The following E2F2 variants were observed in gnomAD, a reference collection of about 807,000 sequenced individuals.
E2F2 encodes the protein E2F transcription factor 2.
In E2F2, 22 loss-of-function variants were observed where a neutral mutation model predicts 42.2. The ratio of observed to expected loss-of-function variants is 0.52; its 90% CI spans 0.37 to 0.74. E2F2 has a LOEUF of 0.74. Among genes scored for constraint, E2F2 ranks in the 30% least tolerant of loss-of-function variants. E2F2 has a pLI of 0.00. For missense variants in E2F2, 481 were observed against 557.8 expected (o/e 0.86, Z 1.39); for synonymous variants, 248 against 251.6 (o/e 0.99, Z 0.13).
At chr1:23,513,434 A>C (rs574044169) in intron 6 of E2F2, among the ~76,000 whole-genome samples, 28 of 152,230 alleles carry the variant, frequency 1.8e-4, no homozygotes, top group African/African-American at 6.3e-4. Flanking sequence ...GGCTGCAGAG[A>C]ACACTTCCCC....
Position 23,516,851 on chromosome 1 carries a change from C to G in E2F2, c.853-324G>C, listed in dbSNP as rs565268146. 6.0e-5 allele frequency among the ~76,000 whole-genome samples: 9 copies of G among 150,738 alleles called. No homozygotes were observed. In the East Asian group the frequency reaches 1.8e-3, roughly 29 times the overall value. ...AATGCCAGTGGGTGAGCTTGTGACG[C>G]AGCCAGGAAAGTTAGTGTGACATGA... On this transcript the variant is annotated intron_variant, in intron 5 of 6. Transcript: ENST00000361729.
downstream of E2F2, chr1:23,506,296 CTG>C (rs1187484936): frequency 6.6e-6 from 1 of 152,240 alleles, no homozygotes; most frequent in Non-Finnish European, 1.5e-5. Flanking sequence ...TGATAAGAGA[CTG>C]TATCTTGGAG....
intron 2 of E2F2, among the ~76,000 whole-genome samples, chr1:23,522,367 G>A (rs756473856): frequency 1.3e-5 from 2 of 152,220 alleles, no homozygotes; most frequent in Non-Finnish European, 2.9e-5. Flanking sequence ...TACTGTCACT[G>A]TTCTAAGTGC....
rs752904960 is a variant in E2F2 at position 23,520,934 on chromosome 1, G to A, written c.716C>T (p.Thr239Ile). The A allele has an allele frequency of 1.2e-6, 2 of 1,603,908 alleles. No individual in the cohort carries two copies. The highest frequency in any genetic ancestry group is 4.6e-5 in the East Asian group (2 of 43,916). The change falls in exon 4 of 7, where the codon ACT becomes ATT. Residue 239 changes from threonine (T) to isoleucine (I), a missense_variant. Physicochemically the swap from Thr to Ile is moderately conservative, Grantham distance 89. Transcript: ENST00000361729. ...ATATCTCTTGTTGGCCTTGTCCTCAGTCAGGTGCTTGAAGCTCAGAGAGCA... is the reference window on the plus strand; with the variant it reads ...ATATCTCTTGTTGGCCTTGTCCTCAATCAGGTGCTTGAAGCTCAGAGAGCA... ...QSCSLSFKHLTEDKANKRLAY... is the reference protein window; with the variant it reads ...QSCSLSFKHLIEDKANKRLAY...
chr1:23,514,856 G>T (rs1642986997), intron 6 of E2F2, among the ~76,000 whole-genome samples: 1 of 138,468 alleles, frequency 7.2e-6, no homozygotes, highest in Non-Finnish European at 1.5e-5. Context: ...AAAAAAAAAA[G>T]CTGGAGAGTA....
intron 6 of E2F2, among the ~76,000 whole-genome samples, chr1:23,513,864 C>G (rs1446395908): frequency 6.6e-6 from 1 of 152,042 alleles, no homozygotes; most frequent in African/African-American, 2.4e-5. Context: ...TGGCTCACAC[C>G]TGTAATCCCA....
chr1:23,513,028 G>A (rs867272283), intron 6 of E2F2, among the ~76,000 whole-genome samples: 3 of 152,058 alleles, frequency 2.0e-5, no homozygotes, highest in African/African-American at 4.8e-5. Flanking sequence ...GGCCAGGCTG[G>A]TCTGGAACTT....
At position 23,510,098 on chromosome 1, in the gene E2F2, C is replaced by T; in HGVS notation, c.1096G>A (p.Val366Ile). 1.9e-6 allele frequency: 3 copies of T among 1,605,960 alleles called. No homozygotes were observed. Among genetic ancestry groups the T allele is most frequent in the African/African-American group, 1.3e-5 (1 of 74,866 alleles). Residue 366 changes from valine (V) to isoleucine (I), a missense_variant, in exon 7 of 7, where the codon GTC (valine) becomes ATC (isoleucine). Val to Ile is a conservative substitution (Grantham distance 29). Coordinates refer to ENST00000361729, the MANE Select transcript of E2F2 (RefSeq NM_004091.4). ...AGGCTGTCAGTAGCCTCCAAGGGGA[C>T]CAGGGATGGAGGCGGTGGGGCCTGC... Reference protein sequence around the residue: ...PQQAPPPPSLVPLEATDSLLE... With the variant: ...PQQAPPPPSLIPLEATDSLLE...
In E2F2 at chr1:23,524,095, C is replaced by CAA. The variant is rs1424181672; in HGVS notation, c.358+286_358+287dup. Reference sequence around the variant, plus strand: ...CTCACAACAACAACAACAACAACAACAACAACAACAAAAAAAAACACAGAA... The same window carrying CAA: ...CTCACAACAACAACAACAACAACAACAAAACAACAACAAAAAAAAACACAGAA... On this transcript the variant is annotated intron_variant, in intron 2 of 6. Transcript: ENST00000361729. 3.0e-4 allele frequency among the ~76,000 whole-genome samples: 35 copies of CAA among 116,654 alleles called. 1 individual carries two copies. The highest frequency in any genetic ancestry group is 1.4e-3 in the African/African-American group (33 of 22,932). 76.5% of individuals were successfully genotyped at this position (116,654 alleles called of 152,430 possible). A position where few individuals can be genotyped will look rare whatever the true frequency, so the allele number is the denominator to read the frequency against.
rs764630589 is a variant in E2F2 at position 23,530,511 on chromosome 1, A to C, written c.252+31T>G. ...TCCTTTCCCACACCTGGAAAAGCAT[A>C]GGGGGAAGCGGTGGGGGCCCCCAGC... On this transcript the variant is annotated intron_variant, in intron 1 of 6. Transcript: ENST00000361729. This position sits in a 1 kb window ranked among gnomAD's most constrained non-coding sequence, Gnocchi z 4.4. 3 of 1,608,784 alleles carry C rather than the reference A, an allele frequency of 1.9e-6. No individual in the cohort carries two copies. Among genetic ancestry groups the C allele is most frequent in the Non-Finnish European group, 2.5e-6 (3 of 1,178,020 alleles).
rs563099371 is a variant in E2F2 at position 23,506,692 on chromosome 1, T to C, written c.*3188A>G. The stretch of plus-strand genomic sequence containing the variant: ...GAGGATCCTCGTGGGAGAATAGGGT[T>C]CTGGGACCTCAGGATACAATCACAA... On this transcript the variant is annotated 3_prime_UTR_variant, in exon 7 of 7. Coordinates refer to ENST00000361729, the MANE Select transcript of E2F2 (RefSeq NM_004091.4). The C allele has an allele frequency of 6.6e-6, 1 of 152,372 alleles. No individual in the cohort carries two copies. The highest frequency in any genetic ancestry group is 1.9e-4 in the East Asian group (1 of 5,186). 9.4% of individuals were successfully genotyped at this position (152,372 alleles called of 1,614,324 possible).
chr1:23,530,659 G>A lies in E2F2; in HGVS notation c.135C>T (p.Tyr45=). ...GCGCCGTCTGCGGGTACAGCGGTGT[G>A]TAGTAGGTAGCAGTAGCTGGGCAGA... ...PQLCPATATY[Y]TPLYPQTAPP... The change falls in exon 1 of 7, where the codon TAC becomes TAT. Residue 45 remains tyrosine, a synonymous_variant. Coordinates refer to ENST00000361729, the MANE Select transcript of E2F2 (RefSeq NM_004091.4). This position sits in a 1 kb window ranked among gnomAD's most constrained non-coding sequence, Gnocchi z 4.4. 2 of 1,613,376 alleles carry A rather than the reference G, an allele frequency of 1.2e-6. No homozygotes were observed. The highest frequency in any genetic ancestry group is 1.1e-5 in the South Asian group (1 of 91,066).
chr1:23,512,510 C>T (rs1187754567), intron 6 of E2F2, among the ~76,000 whole-genome samples: 2 of 152,140 alleles, frequency 1.3e-5, no homozygotes, highest in Non-Finnish European at 2.9e-5. Context: ...CAGTCAGAGG[C>T]CTGGCTTGGG....
intron 3 of E2F2, among the ~76,000 whole-genome samples, chr1:23,521,370 G>A (rs1643143026): frequency 6.6e-6 from 1 of 152,104 alleles, no homozygotes; most frequent in Admixed American, 6.6e-5. Flanking sequence ...GTTTCTCTTA[G>A]GATTTATGCC....
chr1:23,513,102 G>A (rs147537360), intron 6 of E2F2, among the ~76,000 whole-genome samples: 153 of 150,126 alleles, frequency 1.0e-3, no homozygotes, highest in African/African-American at 3.4e-3. Context: ...GTGTGCCACC[G>A]CGGCTGGCCA....
chr1:23,522,434 T>C (rs768298173), intron 2 of E2F2, among the ~76,000 whole-genome samples: 9 of 152,200 alleles, frequency 5.9e-5, no homozygotes, highest in Non-Finnish European at 1.2e-4. Flanking sequence ...TGCTGTACAA[T>C]CATCCCCATT....
At chr1:23,525,223 C>A (rs1308835906) in intron 1 of E2F2, among the ~76,000 whole-genome samples, 6 of 152,018 alleles carry the variant, frequency 3.9e-5, no homozygotes, top group Admixed American at 3.9e-4. Context: ...CTGTTCCCGC[C>A]AAGCTTGGGA....
intron 1 of E2F2, among the ~76,000 whole-genome samples, chr1:23,525,698 C>G (rs1322972137): frequency 6.6e-6 from 1 of 152,176 alleles, no homozygotes; most frequent in Non-Finnish European, 1.5e-5. Flanking sequence ...GCTCCTTTAA[C>G]TTCTGTAAAG....
chr1:23,528,696 T>A (rs1322978646), intron 1 of E2F2, among the ~76,000 whole-genome samples: 2 of 152,166 alleles, frequency 1.3e-5, no homozygotes, highest in Non-Finnish European at 2.9e-5. Flanking sequence ...CTTGCTAAGA[T>A]CACTGAGCCC....
Sources: gnomAD v4.1 joint callset for allele counts (sites outside exome capture counted in the v4.1 genomes callset) on GRCh38, gnomAD v4.1.1 for gene constraint, Gnocchi (gnomAD v3.1) non-coding constraint, MANE v1.5 for transcripts, NCBI Gene and HGNC (gene_info 2026-07-23, HGNC 2026-07-21) for gene names.